Variants in SNX29 observed in about 807,000 individuals in gnomAD.
SNX29 encodes sorting nexin 29, also known as sorting nexin-29.
SNX29 carries 78 observed loss-of-function variants against 102.1 expected under a neutral mutation model. The ratio of observed to expected loss-of-function variants is 0.76; its 90% confidence interval spans 0.64 to 0.92. The LOEUF (loss-of-function observed/expected upper bound fraction) is 0.92, where lower values mean the gene tolerates loss of function less well. Ranked by LOEUF, SNX29 falls within the 40% of genes least tolerant of loss-of-function variation. SNX29 has a pLI of 0.00. For missense variants in SNX29, 1,280 were observed against 1,061.7 expected, an observed-to-expected ratio of 1.21 and a Z score of -2.86; for synonymous variants, 580 against 414.5, an observed-to-expected ratio of 1.40 and a Z score of -4.85.
intron 4 of SNX29, among the ~76,000 whole-genome samples, chr16:12,039,746 C>A (rs2057575406): frequency 6.6e-6 from 1 of 152,198 alleles, no homozygotes; most frequent in Non-Finnish European, 1.5e-5. Context: ...CAAGTCCCCT[C>A]ATTTTGCAGG....
At chr16:12,187,901 C>T (rs1473835986) in intron 13 of SNX29, among the ~76,000 whole-genome samples, 1 of 152,130 alleles carries the variant, frequency 6.6e-6, no homozygotes, top group Admixed American at 6.5e-5. Flanking sequence ...GGACCTGATG[C>T]AGCTGAGGGA....
At chr16:12,004,567 G>C (rs1403273156) in intron 3 of SNX29, among the ~76,000 whole-genome samples, 1 of 152,052 alleles carries the variant, frequency 6.6e-6, no homozygotes, top group African/African-American at 2.4e-5. Flanking sequence ...TCCTGTGTGG[G>C]AAGGAAAGGG....
At chr16:12,556,386 T>A (rs2078350882) in intron 20 of SNX29, 1 of 152,232 alleles carries the variant, frequency 6.6e-6, no homozygotes, top group Non-Finnish European at 1.5e-5. Context: ...TTGTAGGCAC[T>A]GGCAATATAG....
chr16:12,051,782 G>A (rs551187914), intron 7 of SNX29, 65 bp from the exon 8 acceptor site: 3 of 1,574,844 alleles, frequency 1.9e-6, no homozygotes, highest in African/African-American at 1.4e-5. Context: ...AGGTGAGTTG[G>A]TTCCATCATC....
chr16:12,552,057 G>A (rs924336690), intron 20 of SNX29, among the ~76,000 whole-genome samples: 4 of 150,684 alleles, frequency 2.7e-5, no homozygotes, highest in Admixed American at 2.6e-4. Context: ...GATTTTTGGG[G>A]CACTGAATCT....
At chr16:12,478,348 T>C (rs769563173) in intron 19 of SNX29, among the ~76,000 whole-genome samples, 20 of 152,256 alleles carry the variant, frequency 1.3e-4, no homozygotes, top group Admixed American at 2.6e-4. Flanking sequence ...GTAGTTGTCA[T>C]GATGTTCACT....
At chr16:12,482,418 C>A (rs1392064990) in intron 19 of SNX29, among the ~76,000 whole-genome samples, 2 of 152,182 alleles carry the variant, frequency 1.3e-5, no homozygotes, top group Non-Finnish European at 2.9e-5. Context: ...CCTCTTGCTT[C>A]AGCCTCCCAA....
intron 15 of SNX29, among the ~76,000 whole-genome samples, chr16:12,294,216 T>G (rs1455122565): frequency 1.3e-5 from 2 of 152,230 alleles, no homozygotes; most frequent in African/African-American, 4.8e-5. Flanking sequence ...TCATTTCCAA[T>G]GTGTAGCATT....
chr16:12,325,115 G>T (rs1025699049), intron 15 of SNX29, among the ~76,000 whole-genome samples: 1 of 152,066 alleles, frequency 6.6e-6, no homozygotes, highest in Non-Finnish European at 1.5e-5. Flanking sequence ...TTTGCCCTTC[G>T]CTAGCAATGT....
In SNX29 at chr16:12,455,730, T is replaced by G. The variant is rs1409523767; in HGVS notation, c.2038-21989T>G. Among the ~76,000 whole-genome samples, 3 of 152,190 alleles carry G rather than the reference T, an allele frequency of 2.0e-5. No homozygotes were observed. The East Asian group carries it at 5.8e-4, about 29-fold the overall frequency. ...AGAGACTTGCATATGCAGACCTTGG[T>G]CTTGACTGTCAGAAGCGTCCATCCT... On this transcript the variant is annotated intron_variant, in intron 18 of 20. Coordinates refer to ENST00000566228, the MANE Select transcript of SNX29 (RefSeq NM_032167.5).
At chr16:12,477,287 C>T (rs1387595260) in intron 18 of SNX29, among the ~76,000 whole-genome samples, 2 of 152,128 alleles carry the variant, frequency 1.3e-5, no homozygotes, top group Non-Finnish European at 2.9e-5. Context: ...CCAGGCACCA[C>T]CACATTGCCC....
chr16:12,497,952 A>G (rs1296017132), intron 19 of SNX29, among the ~76,000 whole-genome samples: 2 of 152,150 alleles, frequency 1.3e-5, no homozygotes, highest in Middle Eastern at 3.2e-3. Flanking sequence ...CTCTCAGACA[A>G]GGTTGATTCC....
At chr16:12,053,047 T>G (rs1199193956) in intron 8 of SNX29, 1 of 152,192 alleles carries the variant, frequency 6.6e-6, no homozygotes, top group African/African-American at 2.4e-5. Context: ...TCCCAGCACT[T>G]TGGGACACCA....
chr16:12,330,984 C>G (rs1255361151), intron 15 of SNX29, among the ~76,000 whole-genome samples: 4 of 152,240 alleles, frequency 2.6e-5, no homozygotes, highest in Admixed American at 2.0e-4. Flanking sequence ...GACTGTTGTC[C>G]ACACACTGGG....
At chr16:12,555,146 C>T (rs1253843801) in intron 20 of SNX29, among the ~76,000 whole-genome samples, 3 of 151,748 alleles carry the variant, frequency 2.0e-5, no homozygotes, top group African/African-American at 7.3e-5. Flanking sequence ...AGACTTGGTC[C>T]AGGAGTGACA....
At chr16:12,514,967 C>T (rs1370270537) in intron 19 of SNX29, among the ~76,000 whole-genome samples, 2 of 152,150 alleles carry the variant, frequency 1.3e-5, no homozygotes, top group East Asian at 3.9e-4. Context: ...AAGCCCCTCT[C>T]TCGATGGGCT....
At chr16:12,089,978 C>A in intron 11 of SNX29, 1 of 207,628 alleles carries the variant, frequency 4.8e-6, no homozygotes, top group Non-Finnish European at 1.0e-5. Flanking sequence ...GCCCTAAGCA[C>A]GGTGCCCTAA....
intron 1 of SNX29, among the ~76,000 whole-genome samples, chr16:11,999,037 C>T (rs2056191575): frequency 6.6e-6 from 1 of 152,178 alleles, no homozygotes; most frequent in South Asian, 2.1e-4. Flanking sequence ...TGCAGCTAAA[C>T]ATCTTACAAT....
At chr16:12,535,293 C>G (rs538843443) in intron 20 of SNX29, among the ~76,000 whole-genome samples, 1 of 152,190 alleles carries the variant, frequency 6.6e-6, no homozygotes, top group Admixed American at 6.5e-5. Context: ...CATGTGCCAC[C>G]ATGCCCAGCT....
Sources: allele counts gnomAD v4.1 joint callset (sites outside exome capture counted in the v4.1 genomes callset), GRCh38; gene constraint gnomAD v4.1.1; transcripts MANE v1.5; gene names NCBI Gene and HGNC (gene_info 2026-07-23, HGNC 2026-07-21).